The following PPP2R2C variants were observed in gnomAD, a reference collection of about 807,000 sequenced individuals.
PPP2R2C encodes protein phosphatase 2 regulatory subunit Bgamma, also known as protein phosphatase 2, regulatory subunit B, gamma.
In PPP2R2C, 10 loss-of-function variants were observed where a neutral mutation model predicts 45.3. The ratio of observed to expected loss-of-function variants is 0.22; its 90% CI spans 0.14 to 0.37. The LOEUF (loss-of-function observed/expected upper bound fraction) is 0.37, where lower values mean the gene tolerates loss of function less well. Among genes scored for constraint, PPP2R2C ranks in the 10% least tolerant of loss-of-function variants. The pLI is 1.00. For missense variants in PPP2R2C, 308 were observed against 619.7 expected (o/e 0.50, Z 5.34); for synonymous variants, 257 against 245.4 (o/e 1.05, Z -0.44).
chr4:6,377,027 G>C (rs1322038243), intron 3 of PPP2R2C, among the ~76,000 whole-genome samples: 1 of 152,214 alleles, frequency 6.6e-6, no homozygotes, highest in African/African-American at 2.4e-5. Flanking sequence ...CAGTGGAGAG[G>C]TCAGAAAAGG....
intron 8 of PPP2R2C, among the ~76,000 whole-genome samples, chr4:6,325,945 CAGG>C (rs1731902646): frequency 6.6e-6 from 1 of 152,216 alleles, no homozygotes; most frequent in South Asian, 2.1e-4. Flanking sequence ...GAGGCTGCGG[CAGG>C]AGAAGTGTTT....
At position 6,382,930 on chromosome 4, in the gene PPP2R2C, G is replaced by T. The variant is rs376136701; in HGVS notation, c.71-1836C>A. On this transcript the variant is annotated intron_variant, in intron 1 of 8. Transcript: ENST00000382599. ...GCTCCCATTGTGTACTCAGAGAAAA[G>T]CACAGAGTGTTCTAAAGGCAGCCCC... 4.6e-6 allele frequency: 5 copies of T among 1,088,176 alleles called. No individual in the cohort carries two copies. The East Asian group carries it at 3.3e-4, about 71-fold the overall frequency. The allele number at this position is 1,088,176 out of a possible 1,614,324, so 67.4% of individuals were successfully genotyped here.
intron 1 of PPP2R2C, among the ~76,000 whole-genome samples, chr4:6,537,551 GTTTT>G (rs66460332): frequency 1.6e-5 from 2 of 127,636 alleles, no homozygotes; most frequent in Non-Finnish European, 1.6e-5. Flanking sequence ...AAGATTTTTT[GTTTT>G]TTTTTTTTTT....
chr4:6,338,612 G>C (rs1733184277), intron 6 of PPP2R2C, among the ~76,000 whole-genome samples: 1 of 152,070 alleles, frequency 6.6e-6, no homozygotes, highest in South Asian at 2.1e-4. Flanking sequence ...CAAGGTTTAG[G>C]CTCCTACCTG....
At chr4:6,359,680 T>A (rs1713554128) in intron 5 of PPP2R2C, among the ~76,000 whole-genome samples, 1 of 149,936 alleles carries the variant, frequency 6.7e-6, no homozygotes. Context: ...CAGCCTGCTC[T>A]CCTGGAGCCC....
intron 2 of PPP2R2C, among the ~76,000 whole-genome samples, chr4:6,494,498 C>T (rs999893932): frequency 6.6e-6 from 1 of 152,188 alleles, no homozygotes; most frequent in Non-Finnish European, 1.5e-5. Flanking sequence ...AATGTAACAC[C>T]GAAGCACTGG....
chr4:6,327,992 A>G (rs1007750403), intron 8 of PPP2R2C, among the ~76,000 whole-genome samples: 1 of 151,898 alleles, frequency 6.6e-6, no homozygotes, highest in Non-Finnish European at 1.5e-5. Flanking sequence ...CTCATCCCAC[A>G]CACCAACCCT....
At position 6,331,602 on chromosome 4, in the gene PPP2R2C, G is replaced by C. The variant is rs75709149; in HGVS notation, c.960+1960C>G. Among the ~76,000 whole-genome samples the C allele has an allele frequency of 2.0e-5, 3 of 152,162 alleles. No individual in the cohort carries two copies. The highest frequency in any genetic ancestry group is 4.4e-5 in the Non-Finnish European group (3 of 68,026). The stretch of plus-strand genomic sequence containing the variant: ...AGATTTTACAATCACAGTGAAACAC[G>C]CAACAGACCCCAGGGGTGAGATCTA... On this transcript the variant is annotated intron_variant, in intron 7 of 8. Transcript: ENST00000382599. The surrounding 1 kb of genome is among the most constrained non-coding windows in gnomAD (Gnocchi z 5.9).
At chr4:6,488,884 G>GTGC (rs1169503136) in intron 2 of PPP2R2C, among the ~76,000 whole-genome samples, 1 of 152,174 alleles carries the variant, frequency 6.6e-6, no homozygotes, top group Non-Finnish European at 1.5e-5. Flanking sequence ...TCCTGACTGT[G>GTGC]TGCGTGCTCT....
intron 1 of PPP2R2C, among the ~76,000 whole-genome samples, chr4:6,452,821 C>A (rs949823057): frequency 4.6e-5 from 7 of 152,228 alleles, no homozygotes; most frequent in Non-Finnish European, 7.3e-5. Flanking sequence ...CGACTGAGTT[C>A]TTGGCCCAAA....
At chr4:6,343,375 AT>A (rs1733597322) in intron 6 of PPP2R2C, among the ~76,000 whole-genome samples, 1 of 152,246 alleles carries the variant, frequency 6.6e-6, no homozygotes, top group African/African-American at 2.4e-5. Flanking sequence ...ATAATGAAAA[AT>A]ATTCTAGAAA....
chr4:6,532,919 G>A (rs1402605338), intron 2 of PPP2R2C, among the ~76,000 whole-genome samples: 1 of 152,022 alleles, frequency 6.6e-6, no homozygotes, highest in Non-Finnish European at 1.5e-5. Flanking sequence ...AGCATTGTCT[G>A]CTCTATTCAC....
In PPP2R2C at chr4:6,329,805, T is replaced by C. The variant is rs1577069090; in HGVS notation, c.961-452A>G. Reference sequence around the variant, plus strand: ...GCACAGGGGCCAGGACCACCTGGGGTCCAGATCCTGGCTCTGCCCTCCCAG... The same window carrying C: ...GCACAGGGGCCAGGACCACCTGGGGCCCAGATCCTGGCTCTGCCCTCCCAG... On this transcript the variant is annotated intron_variant, in intron 7 of 8. Transcript: ENST00000382599. This position sits in a 1 kb window ranked among gnomAD's most constrained non-coding sequence, Gnocchi z 5.8. Among the ~76,000 whole-genome samples the C allele has an allele frequency of 1.3e-5, 2 of 152,098 alleles. No homozygotes were observed. Among genetic ancestry groups the C allele is most frequent in the African/African-American group, 4.8e-5 (2 of 41,484 alleles).
chr4:6,342,803 A>G (rs1463047722), intron 6 of PPP2R2C, among the ~76,000 whole-genome samples: 1 of 152,216 alleles, frequency 6.6e-6, no homozygotes, highest in Non-Finnish European at 1.5e-5. Context: ...TGCAGAGGGA[A>G]CAGAGTGGCC....
At chr4:6,409,630 G>A (rs1301514842) in intron 1 of PPP2R2C, among the ~76,000 whole-genome samples, 1 of 152,136 alleles carries the variant, frequency 6.6e-6, no homozygotes, top group African/African-American at 2.4e-5. Context: ...CAAGAGGGAG[G>A]CACAGGAGCA....
At chr4:6,480,413 G>A (rs1237134354) in intron 2 of PPP2R2C, among the ~76,000 whole-genome samples, 1 of 152,166 alleles carries the variant, frequency 6.6e-6, no homozygotes, top group African/African-American at 2.4e-5. Flanking sequence ...ATGATGTCAC[G>A]ATGGTAGCTA....
intron 2 of PPP2R2C, among the ~76,000 whole-genome samples, chr4:6,480,258 C>T (rs529976424): frequency 1.3e-4 from 20 of 152,160 alleles, no homozygotes; most frequent in Admixed American, 1.2e-3. Flanking sequence ...TGCTTTTTTT[C>T]CTAAGCATTA....
At chr4:6,500,775 C>T (rs78157798) in intron 2 of PPP2R2C, among the ~76,000 whole-genome samples, 3,776 of 152,342 alleles carry the variant, frequency 0.025, 152 homozygotes, top group East Asian at 0.15. Context: ...CCAGGATTAA[C>T]GGTTCAAACA....
At position 6,511,477 on chromosome 4, in the gene PPP2R2C, ATGGCGGTGTTGGTGGTGATGG is replaced by A. The variant is rs1268114057; in HGVS notation, c.49+23773_49+23793del. On this transcript the variant is annotated intron_variant, in intron 2 of 9. Coordinates refer to the PPP2R2C transcript ENST00000506140. The stretch of plus-strand genomic sequence containing the variant: ...GGTGATGATGACGGTGGTGGTGGTG[ATGGCGGTGTTGGTGGTGATGG>A]CGGTGATGGTGGTGGTGGTGGTGGT... 1.2e-3 allele frequency among the ~76,000 whole-genome samples: 69 copies of A among 59,946 alleles called. 8 individuals carry two copies. Among genetic ancestry groups the A allele is most frequent in the African/African-American group, 2.9e-3 (45 of 15,622 alleles). The allele number at this position is 59,946 out of a possible 152,430, so 39.3% of individuals were successfully genotyped here. A position where few individuals can be genotyped will look rare whatever the true frequency, so the allele number is the denominator to read the frequency against.
Sources: gnomAD v4.1 joint callset for allele counts (sites outside exome capture counted in the v4.1 genomes callset) on GRCh38, gnomAD v4.1.1 for gene constraint, Gnocchi (gnomAD v3.1) non-coding constraint, MANE v1.5 for transcripts, NCBI Gene and HGNC (gene_info 2026-07-23, HGNC 2026-07-21) for gene names.